Variants in AGMO observed in about 807,000 individuals in gnomAD.
The protein encoded by AGMO is glyceryl-ether monooxygenase.
In AGMO, 75 loss-of-function variants were observed where a neutral mutation model predicts 60.2. That is an observed-to-expected ratio of 1.25 (90% CI 1.03 to 1.51). The LOEUF is 1.51. AGMO is among the 40% of genes most tolerant of loss of function. The pLI, the probability that AGMO is intolerant of heterozygous loss-of-function variation, is 0.00. For synonymous variants in AGMO, 261 were observed against 177.1 expected (o/e 1.47, Z -3.76); for missense variants, 763 against 525.5 (o/e 1.45, Z -4.42).
At chr7:15,314,627 CA>C (rs1178255191) in intron 12 of AGMO, among the ~76,000 whole-genome samples, 1 of 151,990 alleles carries the variant, frequency 6.6e-6, no homozygotes, top group Non-Finnish European at 1.5e-5. Flanking sequence ...TATGACATAT[CA>C]AAAAACAATA....
intron 5 of AGMO, among the ~76,000 whole-genome samples, chr7:15,397,466 G>A (rs984781039): frequency 6.6e-6 from 1 of 152,130 alleles, no homozygotes; most frequent in Non-Finnish European, 1.5e-5. Context: ...GCGCAGCGGC[G>A]GGCTGAAGGG....
chr7:15,210,739 G>T (rs1382737843), intron 12 of AGMO, among the ~76,000 whole-genome samples: 1 of 151,860 alleles, frequency 6.6e-6, no homozygotes, highest in East Asian at 1.9e-4. Flanking sequence ...TCTTTGGCTA[G>T]GCCTCTTCTC....
chr7:15,328,013 C>A (rs983884144), intron 12 of AGMO, among the ~76,000 whole-genome samples: 1 of 151,924 alleles, frequency 6.6e-6, no homozygotes, highest in Non-Finnish European at 1.5e-5. Context: ...TAGGCTCAAG[C>A]GATCTTCCCC....
At chr7:15,228,093 A>C (rs996609651) in intron 12 of AGMO, among the ~76,000 whole-genome samples, 38 of 152,134 alleles carry the variant, frequency 2.5e-4, no homozygotes, top group Non-Finnish European at 3.2e-4. Context: ...AATTTCTTTA[A>C]AGTTTTTCTT....
chr7:15,334,971 A>T (rs77408555), intron 12 of AGMO, among the ~76,000 whole-genome samples: 195 of 152,292 alleles, frequency 1.3e-3, no homozygotes, highest in African/African-American at 4.6e-3. Context: ...CACCAAAATT[A>T]AATGTCTGTT....
intron 12 of AGMO, among the ~76,000 whole-genome samples, chr7:15,362,923 T>C (rs190071841): frequency 6.1e-4 from 93 of 152,340 alleles, no homozygotes; most frequent in African/African-American, 2.1e-3. Flanking sequence ...TTAAGAGTTA[T>C]AGTGTCAGAC....
At chr7:15,266,889 C>G (rs1388505538) in intron 12 of AGMO, among the ~76,000 whole-genome samples, 1 of 151,940 alleles carries the variant, frequency 6.6e-6, no homozygotes, top group East Asian at 1.9e-4. Context: ...CTACTACTAT[C>G]AGTAATCTCA....
the AGMO span, among the ~76,000 whole-genome samples, chr7:15,192,977 T>C: frequency 6.6e-6 from 1 of 152,228 alleles, no homozygotes; most frequent in Non-Finnish European, 1.5e-5. Context: ...ATATATACTC[T>C]AATCAGTTTT....
intron 3 of AGMO, among the ~76,000 whole-genome samples, chr7:15,532,894 G>A (rs1784404294): frequency 6.6e-6 from 1 of 152,144 alleles, no homozygotes; most frequent in South Asian, 2.1e-4. Flanking sequence ...AGGAGGCTGA[G>A]GTGGTAGGAT....
intron 12 of AGMO, among the ~76,000 whole-genome samples, chr7:15,253,744 G>A (rs1017581877): frequency 3.9e-5 from 6 of 151,952 alleles, no homozygotes; most frequent in Admixed American, 3.3e-4. Context: ...TATACAATCC[G>A]TTATTGTTAG....
At chr7:15,352,416 G>A (rs916056753) in intron 12 of AGMO, among the ~76,000 whole-genome samples, 6 of 151,854 alleles carry the variant, frequency 4.0e-5, no homozygotes, top group Admixed American at 1.3e-4. Flanking sequence ...CCTCATCAAG[G>A]GCAGACATTT....
chr7:15,210,797 G>A (rs1781567910), intron 12 of AGMO, among the ~76,000 whole-genome samples: 1 of 151,914 alleles, frequency 6.6e-6, no homozygotes, highest in Non-Finnish European at 1.5e-5. Context: ...CTCCAAGGTG[G>A]TAGAATATAT....
intron 12 of AGMO, among the ~76,000 whole-genome samples, chr7:15,238,134 TC>T (rs1269441715): frequency 6.6e-6 from 1 of 152,098 alleles, no homozygotes; most frequent in African/African-American, 2.4e-5. Flanking sequence ...TCAATTTCTC[TC>T]TTTTTTTCAG....
At chr7:15,302,993 T>A (rs1442602027) in intron 12 of AGMO, among the ~76,000 whole-genome samples, 1 of 152,072 alleles carries the variant, frequency 6.6e-6, no homozygotes, top group Non-Finnish European at 1.5e-5. Context: ...AGTGAGTAAA[T>A]CTAAAGGATC....
At chr7:15,318,961 G>T (rs1249844069) in intron 12 of AGMO, among the ~76,000 whole-genome samples, 1 of 152,014 alleles carries the variant, frequency 6.6e-6, no homozygotes, top group Non-Finnish European at 1.5e-5. Context: ...ATAGTCACTG[G>T]CATCTTGAAA....
chr7:15,377,451 GTGTC>G (rs113832356), intron 10 of AGMO, among the ~76,000 whole-genome samples: 14,990 of 152,020 alleles, frequency 0.099, 874 homozygotes, highest in South Asian at 0.15. Context: ...AATGTACACA[GTGTC>G]TGGCTACATT....
intron 12 of AGMO, among the ~76,000 whole-genome samples, chr7:15,291,154 C>T (rs1025857214): frequency 2.0e-5 from 3 of 152,044 alleles, no homozygotes; most frequent in African/African-American, 7.2e-5. Context: ...GTGCACATTA[C>T]GTTTCTTATG....
the AGMO span, among the ~76,000 whole-genome samples, chr7:15,120,614 T>C: frequency 6.6e-6 from 1 of 152,118 alleles, no homozygotes. Flanking sequence ...CAGGATGTGG[T>C]ACCTCACCTA....
intron 3 of AGMO, among the ~76,000 whole-genome samples, chr7:15,531,140 T>C (rs868304564): frequency 9.2e-5 from 7 of 75,782 alleles, no homozygotes; most frequent in Middle Eastern, 0.014. Flanking sequence ...GTATATATTC[T>C]ATATATATTC....
Sources: allele counts gnomAD v4.1 joint callset (sites outside exome capture counted in the v4.1 genomes callset), GRCh38; gene constraint gnomAD v4.1.1; transcripts MANE v1.5; gene names NCBI Gene and HGNC (gene_info 2026-07-23, HGNC 2026-07-21).